KIF5C: variants seen among roughly 807,000 people sequenced by gnomAD.
The protein encoded by KIF5C is kinesin family member 5C.
In KIF5C, 18 loss-of-function variants were observed where a neutral mutation model predicts 125.2. The observed-to-expected ratio is 0.14, with a 90% CI of 0.10 to 0.21. The LOEUF is 0.21. KIF5C is among the 10% of genes least tolerant of loss of function. KIF5C has a pLI of 1.00. For synonymous variants in KIF5C, 405 were observed against 434.0 expected (o/e 0.93, Z 0.83); for missense variants, 780 against 1,183.8 (o/e 0.66, Z 5.01).
At chr2:148,875,987 C>T (rs1278006525) in intron 1 of KIF5C, among the ~76,000 whole-genome samples, 1 of 151,558 alleles carries the variant, frequency 6.6e-6, no homozygotes, top group Non-Finnish European at 1.5e-5. Context: ...GGGGCGAAGA[C>T]GGGCTCGGCG....
intron 17 of KIF5C, among the ~76,000 whole-genome samples, chr2:148,995,482 G>A (rs1681641242): frequency 6.6e-6 from 1 of 152,226 alleles, no homozygotes; most frequent in African/African-American, 2.4e-5. Flanking sequence ...AAATTCAAGA[G>A]AAGGGTCTAG....
intron 8 of KIF5C, chr2:148,947,482 G>A (rs1041075504): frequency 5.3e-6 from 1 of 188,084 alleles, no homozygotes; most frequent in Non-Finnish European, 1.1e-5. Context: ...GGCGCTCCCT[G>A]CATTCCCTGG....
At chr2:148,884,117 C>G (rs1242623785) in intron 1 of KIF5C, 1 of 152,196 alleles carries the variant, frequency 6.6e-6, no homozygotes, top group Non-Finnish European at 1.5e-5. Context: ...TGTTAACCCC[C>G]AGATCCGGAA....
chr2:148,898,269 T>C (rs1680742613), intron 1 of KIF5C, among the ~76,000 whole-genome samples: 1 of 152,132 alleles, frequency 6.6e-6, no homozygotes, highest in African/African-American at 2.4e-5. Context: ...TGCAGTAGAA[T>C]AGGCAGGCTC....
At chr2:148,887,042 G>A (rs1024928857) in intron 1 of KIF5C, among the ~76,000 whole-genome samples, 24 of 152,276 alleles carry the variant, frequency 1.6e-4, no homozygotes, top group Middle Eastern at 6.8e-3. Context: ...GTAGCTGCAC[G>A]TGACTACTGG....
chr2:148,942,029 C>T, intron 6 of KIF5C, 39 bp downstream of exon 6: 1 of 1,601,710 alleles, frequency 6.2e-7, no homozygotes, highest in Non-Finnish European at 8.5e-7. Context: ...ATTAATTTCT[C>T]TCCAGTCTCT....
intron 3 of KIF5C, among the ~76,000 whole-genome samples, chr2:148,935,381 TC>T (rs1398249928): frequency 6.6e-6 from 1 of 152,186 alleles, no homozygotes; most frequent in Non-Finnish European, 1.5e-5. Flanking sequence ...TAAAGGATTA[TC>T]ATGAATTATT....
At chr2:148,944,549 C>T (rs571268660) in intron 7 of KIF5C, among the ~76,000 whole-genome samples, 4 of 152,230 alleles carry the variant, frequency 2.6e-5, no homozygotes, top group East Asian at 3.9e-4. Flanking sequence ...CATTAATGGA[C>T]GCTTGGGTGG....
rs1480291497 is a variant in KIF5C, at chr2:148,924,859, T to A, written c.217+2632T>A. On this transcript the variant is annotated intron_variant, in intron 2 of 25. Transcript: ENST00000435030. This position sits in a 1 kb window ranked among gnomAD's most constrained non-coding sequence, Gnocchi z 4.0. ...CCTTTAAAATTCATTCATTCAGTTG[T>A]TTCTTTTAATCATTCATTTCTGTAA... Among the ~76,000 whole-genome samples, 1 of 152,244 alleles carries A rather than the reference T, an allele frequency of 6.6e-6. No individual in the cohort carries two copies. The highest frequency in any genetic ancestry group is 1.5e-5 in the Non-Finnish European group (1 of 68,046).
intron 1 of KIF5C, among the ~76,000 whole-genome samples, chr2:148,892,968 C>CT (rs1318175089): frequency 1.3e-5 from 2 of 152,110 alleles, no homozygotes; most frequent in Non-Finnish European, 2.9e-5. Flanking sequence ...CTTTTACTTT[C>CT]TTTTTTCTTA....
chr2:148,949,423 A>G (rs1032101713), intron 8 of KIF5C, among the ~76,000 whole-genome samples: 1 of 152,050 alleles, frequency 6.6e-6, no homozygotes, highest in Non-Finnish European at 1.5e-5. Context: ...CATTTTTCCA[A>G]TATGCCCATT....
intron 14 of KIF5C, among the ~76,000 whole-genome samples, chr2:148,981,902 A>T (rs1178722686): frequency 6.6e-6 from 1 of 152,188 alleles, no homozygotes; most frequent in African/African-American, 2.4e-5. Context: ...TGAGACAGTT[A>T]AGCTTTGTGA....
chr2:148,984,498 T>C (rs1681325382), intron 15 of KIF5C, among the ~76,000 whole-genome samples: 1 of 152,194 alleles, frequency 6.6e-6, no homozygotes, highest in South Asian at 2.1e-4. Flanking sequence ...ATCCAGAGGA[T>C]TATGCCTCAT....
intron 1 of KIF5C, among the ~76,000 whole-genome samples, chr2:148,893,467 C>T (rs1681760772): frequency 6.6e-6 from 1 of 152,226 alleles, no homozygotes; most frequent in Non-Finnish European, 1.5e-5. Flanking sequence ...ACCTAACTAT[C>T]CATTGTGTCC....
intron 1 of KIF5C, among the ~76,000 whole-genome samples, chr2:148,889,334 A>G (rs1238081796): frequency 6.6e-6 from 1 of 152,172 alleles, no homozygotes; most frequent in Non-Finnish European, 1.5e-5. Context: ...TTGTAAACTA[A>G]TTGTATAACT....
chr2:148,893,041 C>G (rs768036318), intron 1 of KIF5C, among the ~76,000 whole-genome samples: 2 of 152,184 alleles, frequency 1.3e-5, no homozygotes, highest in Non-Finnish European at 2.9e-5. Context: ...ACTTAGAACC[C>G]TTGTCTCGTT....
chr2:148,968,074 T>C (rs891007891), intron 11 of KIF5C, among the ~76,000 whole-genome samples: 37 of 152,128 alleles, frequency 2.4e-4, no homozygotes, highest in Admixed American at 7.9e-4. Context: ...TTTTTTACAG[T>C]GATTTAAGTC....
At chr2:148,904,618 G>A (rs1176678280) in intron 1 of KIF5C, among the ~76,000 whole-genome samples, 1 of 152,054 alleles carries the variant, frequency 6.6e-6, no homozygotes, top group Non-Finnish European at 1.5e-5. Flanking sequence ...ATGGATTGCT[G>A]CTGTTTGGTA....
chr2:148,932,077 G>C lies in KIF5C; in HGVS notation c.291+2723G>C, dbSNP rs1213066549. Among the ~76,000 whole-genome samples the C allele has an allele frequency of 2.0e-5, 3 of 152,166 alleles. No individual in the cohort carries two copies. In the East Asian group the frequency reaches 5.8e-4, roughly 29 times the overall value. ...TATTTTCAGAGGAAGACAGAGGGAAGGAGGAGCCCTAAGCTGAAGTCATAG... is the reference window on the plus strand; with the variant it reads ...TATTTTCAGAGGAAGACAGAGGGAACGAGGAGCCCTAAGCTGAAGTCATAG... On this transcript the variant is annotated intron_variant, in intron 3 of 25. Coordinates refer to ENST00000435030, the MANE Select transcript of KIF5C (RefSeq NM_004522.3).
Sources: gnomAD v4.1 joint callset for allele counts (sites outside exome capture counted in the v4.1 genomes callset) on GRCh38, gnomAD v4.1.1 for gene constraint, Gnocchi (gnomAD v3.1) non-coding constraint, MANE v1.5 for transcripts, NCBI Gene and HGNC (gene_info 2026-07-23, HGNC 2026-07-21) for gene names.